Variants in ATAD2B observed in about 807,000 individuals in gnomAD.
ATAD2B encodes the protein ATPase family AAA domain-containing protein 2B.
A neutral mutation model predicts 167.6 loss-of-function variants in ATAD2B; 40 were observed. The observed-to-expected ratio is 0.24, with a 90% CI of 0.19 to 0.31. ATAD2B has a LOEUF of 0.31. Ranked by LOEUF, ATAD2B falls within the 10% of genes least tolerant of loss-of-function variation. ATAD2B has a pLI of 1.00. For synonymous variants in ATAD2B, 579 were observed against 596.5 expected, an observed-to-expected ratio of 0.97 and a Z score of 0.43; for missense variants, 1,242 against 1,757.2, an observed-to-expected ratio of 0.71 and a Z score of 5.24.
intron 7 of ATAD2B, among the ~76,000 whole-genome samples, chr2:23,880,055 T>TA (rs768434692): frequency 0.033 from 4,281 of 129,942 alleles, 90 homozygotes; most frequent in South Asian, 0.084. Context: ...ACTCTGTTTT[T>TA]AAAAAAAAAA....
intron 8 of ATAD2B, chr2:23,872,717 A>G: frequency 8.8e-7 from 1 of 1,141,166 alleles, no homozygotes; most frequent in Non-Finnish European, 1.3e-6. Flanking sequence ...TGCTTTACTG[A>G]GATCAGTCAG....
At chr2:23,893,653 A>T (rs1431583180) in intron 2 of ATAD2B, among the ~76,000 whole-genome samples, 2 of 140,712 alleles carry the variant, frequency 1.4e-5, no homozygotes, top group East Asian at 2.0e-4. Context: ...TGAATAAACT[A>T]AAAAAAAAAA....
the ATAD2B span, chr2:23,684,662 TCTCCTCCTC>T: frequency 3.4e-5 from 19 of 553,806 alleles, no homozygotes; most frequent in Non-Finnish European, 4.3e-5. This position sits in a 1 kb window ranked among gnomAD's most constrained non-coding sequence, Gnocchi z 4.4. Flanking sequence ...AGTAGCCATC[TCTCCTCCTC>T]CTCCTCCTCC....
intron 10 of ATAD2B, among the ~76,000 whole-genome samples, chr2:23,867,233 A>G (rs1695269057): frequency 6.6e-6 from 1 of 152,216 alleles, no homozygotes; most frequent in Non-Finnish European, 1.5e-5. Context: ...CAGAGAATCA[A>G]GCCATTCTCC....
At chr2:23,850,844 T>C (rs1692459557) in intron 13 of ATAD2B, among the ~76,000 whole-genome samples, 1 of 152,202 alleles carries the variant, frequency 6.6e-6, no homozygotes, top group Non-Finnish European at 1.5e-5. Context: ...ACCAATGTAA[T>C]GTTGTTAAGA....
chr2:23,780,948 G>A (rs1679933140), intron 22 of ATAD2B, among the ~76,000 whole-genome samples: 1 of 152,034 alleles, frequency 6.6e-6, no homozygotes, highest in Non-Finnish European at 1.5e-5. Flanking sequence ...AATATCTTTA[G>A]ATAACAAAAA....
At chr2:23,849,692 G>C (rs2149883666) in intron 13 of ATAD2B, among the ~76,000 whole-genome samples, 1 of 152,322 alleles carries the variant, frequency 6.6e-6, no homozygotes, top group Middle Eastern at 3.4e-3. Context: ...GCTGGGCATG[G>C]TGGTGCATGC....
At chr2:23,872,596 CT>C in intron 8 of ATAD2B, 10 of 1,287,524 alleles carry the variant, frequency 7.8e-6, no homozygotes, top group Non-Finnish European at 1.1e-5. Context: ...GCCTGCGATC[CT>C]TACTAATGTT....
the ATAD2B span, among the ~76,000 whole-genome samples, chr2:23,709,946 G>A: frequency 6.6e-6 from 1 of 152,138 alleles, no homozygotes; most frequent in Non-Finnish European, 1.5e-5. Flanking sequence ...ACTTAACTCT[G>A]GGGGGTGAAC....
At chr2:23,769,297 C>T (rs562649853) in intron 22 of ATAD2B, among the ~76,000 whole-genome samples, 15 of 152,070 alleles carry the variant, frequency 9.9e-5, no homozygotes, top group Non-Finnish European at 1.5e-4. Flanking sequence ...AAAAATTAGC[C>T]GGGCGTGGAG....
intron 7 of ATAD2B, among the ~76,000 whole-genome samples, chr2:23,876,307 T>A (rs1696826960): frequency 6.8e-6 from 1 of 148,026 alleles, no homozygotes; most frequent in Non-Finnish European, 1.5e-5. Context: ...AACTTTTTTT[T>A]CTTTTTTTTT....
At chr2:23,767,126 C>T (rs1394006509) in intron 22 of ATAD2B, among the ~76,000 whole-genome samples, 3 of 152,122 alleles carry the variant, frequency 2.0e-5, no homozygotes, top group African/African-American at 7.2e-5. Flanking sequence ...CAACCTTTTT[C>T]GATTACCTGC....
chr2:23,821,575 A>G (rs1282928925), intron 16 of ATAD2B, among the ~76,000 whole-genome samples: 1 of 152,202 alleles, frequency 6.6e-6, no homozygotes, highest in African/African-American at 2.4e-5. Flanking sequence ...AGAAGAATTC[A>G]TTGAACAATA....
intron 22 of ATAD2B, among the ~76,000 whole-genome samples, chr2:23,769,443 A>G (rs535961011): frequency 6.6e-6 from 1 of 152,134 alleles, no homozygotes; most frequent in Admixed American, 6.5e-5. Context: ...GCGTCTCTTT[A>G]TTTATTTATA....
chr2:23,794,041 C>G (rs978443283), intron 19 of ATAD2B, among the ~76,000 whole-genome samples: 1 of 152,144 alleles, frequency 6.6e-6, no homozygotes, highest in Non-Finnish European at 1.5e-5. Context: ...GAGACAGCGT[C>G]TCACTCTGTC....
intron 14 of ATAD2B, among the ~76,000 whole-genome samples, chr2:23,831,478 C>G (rs1689064891): frequency 6.6e-6 from 1 of 152,052 alleles, no homozygotes; most frequent in African/African-American, 2.4e-5. Flanking sequence ...AATTAATGAC[C>G]CAAATGGGTC....
chr2:23,769,711 G>GATTTTTTT lies in ATAD2B; in HGVS notation c.3134-4084_3134-4083insAAAAAAAT, dbSNP rs199842019. 1.2e-4 allele frequency among the ~76,000 whole-genome samples: 15 copies of GATTTTTTT among 129,834 alleles called. 4 individuals carry two copies. Among genetic ancestry groups the GATTTTTTT allele is most frequent in the Non-Finnish European group, 1.8e-4 (11 of 60,082 alleles). 85.2% of individuals were successfully genotyped at this position (129,834 alleles called of 152,430 possible). A position where few individuals can be genotyped will look rare whatever the true frequency, so the allele number is the denominator to read the frequency against. On this transcript the variant is annotated intron_variant, in intron 22 of 27. Coordinates refer to ENST00000238789, the MANE Select transcript of ATAD2B (RefSeq NM_017552.4). ...AAGTGTTTAATGGTGTCTCACTGTG[G>GATTTTTTT]GTTTTTTTTTTTTTTTTTTTTTGAG...
At chr2:23,900,163 G>A (rs113450460) in intron 1 of ATAD2B, among the ~76,000 whole-genome samples, 9,837 of 151,840 alleles carry the variant, frequency 0.065, 407 homozygotes, top group African/African-American at 0.12. Context: ...TGATCTGCCA[G>A]CCTCGGCCTC....
the ATAD2B span, among the ~76,000 whole-genome samples, chr2:23,688,251 G>A: frequency 6.6e-6 from 1 of 152,228 alleles, no homozygotes; most frequent in Non-Finnish European, 1.5e-5. Context: ...CGTGTGTCCT[G>A]CAGCTGATGA....
Sources: gnomAD v4.1 joint callset for allele counts (sites outside exome capture counted in the v4.1 genomes callset) on GRCh38, gnomAD v4.1.1 for gene constraint, Gnocchi (gnomAD v3.1) non-coding constraint, MANE v1.5 for transcripts, NCBI Gene and HGNC (gene_info 2026-07-23, HGNC 2026-07-21) for gene names.